The following PTPRD variants were observed in gnomAD, a reference collection of about 807,000 sequenced individuals.
PTPRD encodes the protein receptor-type tyrosine-protein phosphatase delta.
Under a neutral mutation model 214.5 loss-of-function variants are expected in PTPRD, and 34 were observed. The ratio of observed to expected loss-of-function variants is 0.16; its 90% CI spans 0.12 to 0.21. The LOEUF (loss-of-function observed/expected upper bound fraction) is 0.21. PTPRD is among the 10% of genes least tolerant of loss of function. The pLI, the probability that PTPRD is intolerant of heterozygous loss-of-function variation, is 1.00. For synonymous variants in PTPRD, 1,128 were observed against 845.7 expected (o/e 1.33, Z -5.79); for missense variants, 2,545 against 2,398.7 (o/e 1.06, Z -1.27).
chr9:9,880,674 C>G (rs1313103146), intron 5 of PTPRD, among the ~76,000 whole-genome samples: 1 of 152,072 alleles, frequency 6.6e-6, no homozygotes, highest in Non-Finnish European at 1.5e-5. Context: ...GTTTTATACA[C>G]ACTGAGCAGT....
chr9:9,839,753 T>C (rs1240696757), intron 5 of PTPRD, among the ~76,000 whole-genome samples: 2 of 152,152 alleles, frequency 1.3e-5, no homozygotes, highest in Admixed American at 1.3e-4. Flanking sequence ...AAGTCAGTCC[T>C]AAGCTAAAAG....
intron 7 of PTPRD, among the ~76,000 whole-genome samples, chr9:9,719,023 G>T (rs2097886617): frequency 1.3e-5 from 2 of 152,172 alleles, no homozygotes; most frequent in African/African-American, 4.8e-5. Context: ...TTTGGGTGGA[G>T]TCAGTGACCT....
intron 3 of PTPRD, among the ~76,000 whole-genome samples, chr9:10,127,378 A>C (rs1420136691): frequency 6.6e-6 from 1 of 152,208 alleles, no homozygotes; most frequent in Non-Finnish European, 1.5e-5. Flanking sequence ...AAAGCACTTC[A>C]TAATTCTACA....
chr9:10,028,928 C>T (rs1178628436), intron 4 of PTPRD, among the ~76,000 whole-genome samples: 2 of 152,102 alleles, frequency 1.3e-5, no homozygotes, highest in Non-Finnish European at 2.9e-5. Context: ...CAACTCCTGC[C>T]ATCACAGGCC....
At chr9:10,432,535 G>A (rs1255901269) in intron 2 of PTPRD, among the ~76,000 whole-genome samples, 1 of 151,546 alleles carries the variant, frequency 6.6e-6, no homozygotes, top group Non-Finnish European at 1.5e-5. Flanking sequence ...CCAAAAGCTG[G>A]CATCTCTAGC....
intron 33 of PTPRD, chr9:8,454,631 G>C (rs754005654): frequency 1.4e-5 from 23 of 1,609,330 alleles, no homozygotes; most frequent in Admixed American, 1.0e-4. Context: ...AAAAAGAAAG[G>C]CTAAATGTTA....
chr9:8,472,525 T>C (rs980038337), intron 30 of PTPRD, among the ~76,000 whole-genome samples: 1 of 152,198 alleles, frequency 6.6e-6, no homozygotes, highest in Non-Finnish European at 1.5e-5. Context: ...TTCAGCATGG[T>C]ATCCACTAGC....
At chr9:8,647,507 A>G (rs969650984) in intron 12 of PTPRD, among the ~76,000 whole-genome samples, 2 of 152,202 alleles carry the variant, frequency 1.3e-5, no homozygotes, top group Non-Finnish European at 2.9e-5. Flanking sequence ...TTTATATTAT[A>G]AAGAGTAAAG....
At chr9:10,542,756 T>C (rs887429151) in intron 2 of PTPRD, among the ~76,000 whole-genome samples, 8 of 152,170 alleles carry the variant, frequency 5.3e-5, no homozygotes, top group East Asian at 1.9e-4. Flanking sequence ...TTCACTCTTG[T>C]TGCCCAGGCT....
intron 11 of PTPRD, among the ~76,000 whole-genome samples, chr9:8,977,551 T>C (rs2154337810): frequency 6.6e-6 from 1 of 152,196 alleles, no homozygotes; most frequent in Non-Finnish European, 1.5e-5. Context: ...TATCTTGTCA[T>C]ACAGTCATCA....
intron 2 of PTPRD, among the ~76,000 whole-genome samples, chr9:10,434,604 A>G (rs2098704961): frequency 1.3e-5 from 2 of 151,890 alleles, no homozygotes; most frequent in Admixed American, 6.6e-5. Flanking sequence ...GTACTCATTC[A>G]TAGTAAAGGC....
intron 11 of PTPRD, among the ~76,000 whole-genome samples, chr9:8,833,246 T>C (rs1419988741): frequency 6.6e-6 from 1 of 152,148 alleles, no homozygotes; most frequent in African/African-American, 2.4e-5. Context: ...AGTATTCTAC[T>C]ACCCCTTAGT....
chr9:9,188,075 C>T (rs2099932771), intron 9 of PTPRD, among the ~76,000 whole-genome samples: 1 of 152,092 alleles, frequency 6.6e-6, no homozygotes, highest in Admixed American at 6.6e-5. Flanking sequence ...CTTTTTCCTC[C>T]TCACCAAAGG....
At chr9:8,902,643 C>G (rs1027485116) in intron 11 of PTPRD, among the ~76,000 whole-genome samples, 14 of 152,098 alleles carry the variant, frequency 9.2e-5, no homozygotes, top group African/African-American at 3.4e-4. Context: ...CCACGCCCAG[C>G]CTGGAATCTG....
In PTPRD at chr9:8,389,266, A is replaced by G. The variant is rs753837487; in HGVS notation, c.4352T>C (p.Val1451Ala). 3.1e-6 allele frequency: 5 copies of G among 1,611,974 alleles called. No homozygotes were observed. In the South Asian group the frequency reaches 5.5e-5, roughly 18 times the overall value. Residue 1451 changes from valine to alanine, a missense_variant, in exon 37 of 46, where the codon GTT becomes GCT. Physicochemically the swap from Val to Ala is moderately conservative, Grantham distance 64. Coordinates refer to ENST00000381196, the MANE Select transcript of PTPRD (RefSeq NM_002839.4). ...TTCTTCTAGTTTTGTCATCATGACA[A>G]CTGTGGCACTCCGTTGTTCCCATAT... ...RMIWEQRSATVVMMTKLEERS... is the reference protein window; with the variant it reads ...RMIWEQRSATAVMMTKLEERS...
intron 4 of PTPRD, among the ~76,000 whole-genome samples, chr9:10,019,152 T>C (rs2096789928): frequency 6.6e-6 from 1 of 152,166 alleles, no homozygotes; most frequent in Non-Finnish European, 1.5e-5. Context: ...AAGACATTTA[T>C]TCAGCCAAAA....
intron 2 of PTPRD, among the ~76,000 whole-genome samples, chr9:10,442,710 A>G (rs997583786): frequency 6.6e-6 from 1 of 151,586 alleles, no homozygotes; most frequent in Admixed American, 6.6e-5. Flanking sequence ...CAAGGGGAAA[A>G]CAAGGCAAGC....
rs190038752 is a variant in PTPRD, at chr9:9,465,109, C to T, written c.-236-67627G>A. On this transcript the variant is annotated intron_variant, in intron 8 of 45. Coordinates refer to ENST00000381196, the MANE Select transcript of PTPRD (RefSeq NM_002839.4). The stretch of plus-strand genomic sequence containing the variant: ...TGGCTAAGCTCTGGTTCTTGTATTC[C>T]CTTTTGTGGTTTTCCTCATGATCTG... 3.5e-3 allele frequency among the ~76,000 whole-genome samples: 528 copies of T among 152,180 alleles called. 5 individuals are homozygous for T. The highest frequency in any genetic ancestry group is 0.012 in the African/African-American group (483 of 41,514).
intron 3 of PTPRD, among the ~76,000 whole-genome samples, 151 bp from the exon 4 acceptor site, chr9:10,033,941 C>T (rs952436603): frequency 6.6e-6 from 1 of 151,932 alleles, no homozygotes; most frequent in Non-Finnish European, 1.5e-5. Context: ...AGAAATGATA[C>T]CTTAAAATGA....
Sources: allele counts gnomAD v4.1 joint callset (sites outside exome capture counted in the v4.1 genomes callset), GRCh38; gene constraint gnomAD v4.1.1; transcripts MANE v1.5; gene names NCBI Gene and HGNC (gene_info 2026-07-23, HGNC 2026-07-21).